Variants in CDH4 observed in about 807,000 individuals in gnomAD.
CDH4 encodes cadherin-4.
In CDH4, 33 loss-of-function variants were observed where a neutral mutation model predicts 86.0. The ratio of observed to expected loss-of-function variants is 0.38; its 90% CI spans 0.29 to 0.51. CDH4 has a LOEUF of 0.51. Among genes scored for constraint, CDH4 ranks in the 20% least tolerant of loss-of-function variants. The pLI is 0.86. For synonymous variants in CDH4, 555 were observed against 549.4 expected (o/e 1.01, Z -0.14); for missense variants, 1,114 against 1,307.4 (o/e 0.85, Z 2.28).
intron 2 of CDH4, among the ~76,000 whole-genome samples, chr20:61,638,372 G>A (rs980752545): frequency 6.6e-6 from 1 of 152,176 alleles, no homozygotes; most frequent in East Asian, 1.9e-4. Context: ...CCTGGCAAAC[G>A]GGAACCCCTT....
intron 2 of CDH4, among the ~76,000 whole-genome samples, chr20:61,583,023 T>C (rs1057341532): frequency 6.6e-6 from 1 of 151,818 alleles, no homozygotes; most frequent in African/African-American, 2.4e-5. Context: ...ATGAGAGAAT[T>C]GTACAGTGTG....
At chr20:61,383,734 GATATATATGAAGATATATGC>G (rs1473332652) in intron 2 of CDH4, among the ~76,000 whole-genome samples, 7 of 137,900 alleles carry the variant, frequency 5.1e-5, no homozygotes, top group African/African-American at 8.1e-5. Context: ...ATAAATATAT[GATATATATGAAGATATATGC>G]ATATATATGA....
At chr20:61,724,167 G>T (rs1160904792) in intron 2 of CDH4, among the ~76,000 whole-genome samples, 1 of 151,808 alleles carries the variant, frequency 6.6e-6, no homozygotes, top group African/African-American at 2.4e-5. Context: ...CAGGATGGAG[G>T]CTCCATGCGG....
At chr20:61,504,756 A>G (rs2085728492) in intron 2 of CDH4, among the ~76,000 whole-genome samples, 1 of 152,232 alleles carries the variant, frequency 6.6e-6, no homozygotes, top group Non-Finnish European at 1.5e-5. Flanking sequence ...TACCAGAAGA[A>G]CAATTACATG....
At position 61,486,488 on chromosome 20, in the gene CDH4, A is replaced by G. The variant is rs113300489; in HGVS notation, c.169+231551A>G. Among the ~76,000 whole-genome samples, 1,191 of 152,372 alleles carry G rather than the reference A, an allele frequency of 7.8e-3. 19 individuals carry two copies. Among genetic ancestry groups the G allele is most frequent in the African/African-American group, 0.027 (1,130 of 41,592 alleles). On this transcript the variant is annotated intron_variant, in intron 2 of 15. Coordinates refer to ENST00000614565, the MANE Select transcript of CDH4 (RefSeq NM_001794.5). ...AGACTGGCTGTAGCTCTGAACGCTC[A>G]TGGCTCAGCAAAGCCAGTGTCCGGC... is the stretch of plus-strand genomic sequence containing the variant.
At chr20:61,786,890 C>T (rs1002577054) in intron 4 of CDH4, among the ~76,000 whole-genome samples, 2 of 152,166 alleles carry the variant, frequency 1.3e-5, no homozygotes, top group African/African-American at 4.8e-5. Context: ...TGCGTGGGCT[C>T]CCAGGGCCAC....
chr20:61,546,397 ATGTGCG>A (rs932682030), intron 2 of CDH4, among the ~76,000 whole-genome samples: 7 of 149,278 alleles, frequency 4.7e-5, no homozygotes, highest in African/African-American at 1.7e-4. Flanking sequence ...GCACACATGC[ATGTGCG>A]TGTGTGTGTG....
chr20:61,294,101 C>T (rs114530874), intron 2 of CDH4, among the ~76,000 whole-genome samples: 18,839 of 152,106 alleles, frequency 0.12, 1,199 homozygotes, highest in South Asian at 0.14. Flanking sequence ...CTGACCTTCA[C>T]AGAGAACCCA....
At chr20:61,758,148 C>T (rs893953094) in intron 3 of CDH4, among the ~76,000 whole-genome samples, 5 of 152,174 alleles carry the variant, frequency 3.3e-5, no homozygotes, top group Admixed American at 6.5e-5. Flanking sequence ...GGGTACCAAG[C>T]CCCGGGACAG....
chr20:61,384,040 A>G (rs1333311818), intron 2 of CDH4, among the ~76,000 whole-genome samples: 1 of 151,992 alleles, frequency 6.6e-6, no homozygotes, highest in East Asian at 1.9e-4. Flanking sequence ...CACGGGAGAA[A>G]GATGAAGGCT....
chr20:61,659,888 CCTT>C (rs1041350328), intron 2 of CDH4, among the ~76,000 whole-genome samples: 2 of 152,248 alleles, frequency 1.3e-5, no homozygotes, highest in African/African-American at 4.8e-5. Flanking sequence ...AGCAGCTCCA[CCTT>C]CTCCTTTGGC....
chr20:61,772,867 C>A (rs886909613), intron 3 of CDH4, 136 bp from the exon 4 acceptor site: 8 of 626,220 alleles, frequency 1.3e-5, no homozygotes, highest in Non-Finnish European at 2.0e-5. Flanking sequence ...GCCCTTCCCG[C>A]TTAGCTCCTT....
At chr20:61,489,913 C>A (rs2427130) in intron 2 of CDH4, among the ~76,000 whole-genome samples, 52,065 of 152,010 alleles carry the variant, frequency 0.34, 10,877 homozygotes, top group Admixed American at 0.48. Context: ...AGCTCCTGGG[C>A]CCCTCTAAGG....
intron 2 of CDH4, among the ~76,000 whole-genome samples, chr20:61,702,628 T>A (rs2087788773): frequency 6.6e-6 from 1 of 152,226 alleles, no homozygotes; most frequent in African/African-American, 2.4e-5. Context: ...TTGCTTGTAA[T>A]TACACACTTT....
At chr20:61,610,968 G>A (rs925306025) in intron 2 of CDH4, among the ~76,000 whole-genome samples, 8 of 151,236 alleles carry the variant, frequency 5.3e-5, no homozygotes, top group African/African-American at 1.2e-4. Context: ...CCAGAAGACC[G>A]TCTGGTGGCC....
chr20:61,861,542 G>A (rs1239413851), intron 6 of CDH4, among the ~76,000 whole-genome samples: 1 of 151,908 alleles, frequency 6.6e-6, no homozygotes, highest in Non-Finnish European at 1.5e-5. Flanking sequence ...CCCCGCCTGT[G>A]CGTTAGGAAT....
intron 2 of CDH4, among the ~76,000 whole-genome samples, chr20:61,652,107 G>A (rs6061699): frequency 0.37 from 56,542 of 152,150 alleles, 11,427 homozygotes; most frequent in Non-Finnish European, 0.46. Flanking sequence ...CAGGTGCCGT[G>A]GGGTCTGTGC....
chr20:61,864,568 G>C (rs889635656), intron 6 of CDH4, among the ~76,000 whole-genome samples: 1 of 152,166 alleles, frequency 6.6e-6, no homozygotes, highest in South Asian at 2.1e-4. Flanking sequence ...GGCCACTGTG[G>C]CTCAGGGACT....
chr20:61,855,799 T>G (rs1017803982), intron 6 of CDH4, among the ~76,000 whole-genome samples: 3 of 152,250 alleles, frequency 2.0e-5, no homozygotes, highest in African/African-American at 7.2e-5. Flanking sequence ...GAGGACATGT[T>G]GATGCCGGGA....
Sources: gnomAD v4.1 joint callset for allele counts (sites outside exome capture counted in the v4.1 genomes callset) on GRCh38, gnomAD v4.1.1 for gene constraint, MANE v1.5 for transcripts, NCBI Gene and HGNC (gene_info 2026-07-23, HGNC 2026-07-21) for gene names.